The following PIK3R4 variants were observed in gnomAD, a reference collection of about 807,000 sequenced individuals.
PIK3R4 encodes the protein phosphoinositide-3-kinase regulatory subunit 4, also known as phosphoinositide 3-kinase regulatory subunit 4.
A neutral mutation model predicts 136.5 loss-of-function variants in PIK3R4; 46 were observed. The observed-to-expected ratio is 0.34, with a 90% CI of 0.27 to 0.43. The LOEUF (loss-of-function observed/expected upper bound fraction) is 0.43. Ranked by LOEUF, PIK3R4 falls within the 20% of genes least tolerant of loss-of-function variation. The pLI is 1.00. For synonymous variants in PIK3R4, 557 were observed against 566.7 expected, an observed-to-expected ratio of 0.98 and a Z score of 0.24; for missense variants, 1,331 against 1,649.5, an observed-to-expected ratio of 0.81 and a Z score of 3.35.
In PIK3R4 at chr3:130,690,664, A is replaced by G; in HGVS notation, c.3099-10T>C. ...GTATGTAAGAATAGATCTGAATGAA[A>G]GAAAAATAAAATTCATTTATGAACC... On this transcript the variant is annotated splice_polypyrimidine_tract_variant and intron_variant, in intron 13 of 19. Coordinates refer to ENST00000356763, the MANE Select transcript of PIK3R4 (RefSeq NM_014602.3). The G allele has an allele frequency of 1.9e-6, 3 of 1,563,394 alleles. No homozygotes were observed. The highest frequency in any genetic ancestry group is 2.6e-6 in the Non-Finnish European group (3 of 1,143,970).
At chr3:130,708,139 C>CA (rs2066615793) in intron 10 of PIK3R4, 152 bp downstream of exon 10, 1 of 623,724 alleles carries the variant, frequency 1.6e-6, no homozygotes, top group Non-Finnish European at 2.7e-6. Flanking sequence ...TTTTCTTCCC[C>CA]AAAATCTCCC....
chr3:130,681,577 T>C lies in PIK3R4; in HGVS notation c.3622A>G (p.Asn1208Asp). 6.2e-7 allele frequency: 1 copy of C among 1,608,660 alleles called. No homozygotes were observed. Among genetic ancestry groups the C allele is most frequent in the South Asian group, 1.1e-5 (1 of 90,968 alleles). Residue 1208 changes from asparagine (N) to aspartate (D), a missense_variant, in exon 17 of 20, where the codon AAC becomes GAC. Physicochemically the swap from Asn to Asp is conservative, Grantham distance 23. Around this residue, in one of 2 missense-constraint regions of PIK3R4, gnomAD observed 1,180 missense variants for 1,407.0 expected, o/e 0.84. Transcript: ENST00000356763. ...TCCATGTCCCACATGGACACTTCGT[T>C]GTTGCCCTGAACAGCTAAAGGAAAC... ...SWVIAAVQGN[N>D]EVSMWDMETG...
At chr3:130,697,195 G>A (rs6799986) in intron 13 of PIK3R4, among the ~76,000 whole-genome samples, 31,208 of 145,792 alleles carry the variant, frequency 0.21, 3,483 homozygotes, top group South Asian at 0.37. Flanking sequence ...TCAGCCTCCC[G>A]AGTAGCTGGG....
chr3:130,718,921 C>G (rs1273944963), intron 7 of PIK3R4, among the ~76,000 whole-genome samples: 4 of 152,112 alleles, frequency 2.6e-5, no homozygotes, highest in African/African-American at 7.2e-5. Flanking sequence ...CTTGTACCCC[C>G]ACAGAAGTTC....
At chr3:130,690,827 C>CT (rs2066513249) in intron 13 of PIK3R4, among the ~76,000 whole-genome samples, 173 bp from the exon 14 acceptor site, 1 of 151,792 alleles carries the variant, frequency 6.6e-6, no homozygotes, top group South Asian at 2.1e-4. Flanking sequence ...ATTGCCTTTT[C>CT]TTCCGATATT....
At chr3:130,711,869 A>G (rs895448852) in intron 9 of PIK3R4, among the ~76,000 whole-genome samples, 1 of 152,230 alleles carries the variant, frequency 6.6e-6, no homozygotes, top group African/African-American at 2.4e-5. Flanking sequence ...ACATTGCATT[A>G]TATATCTTCT....
Position 130,744,634 on chromosome 3 carries a change from G to A in PIK3R4, c.585C>T (p.Cys195=). 1 of 1,614,224 alleles carries A rather than the reference G, an allele frequency of 6.2e-7. No individual in the cohort carries two copies. Among genetic ancestry groups the A allele is most frequent in the Non-Finnish European group, 8.5e-7 (1 of 1,180,028 alleles). The stretch of plus-strand genomic sequence containing the variant: ...CAACAAAACGTTCAGGAGCAATATA[G>A]CAAGTTCTCCTCCGTGATGTGTCAA... ...YFFDTSRRRT[C]YIAPERFVDG... is the part of the protein sequence containing the mutation. The change falls in exon 2 of 20, where the codon TGC becomes TGT. Residue 195 remains cysteine (C), a synonymous_variant. Coordinates refer to ENST00000356763, the MANE Select transcript of PIK3R4 (RefSeq NM_014602.3).
chr3:130,724,655 T>C (rs4682639), intron 6 of PIK3R4, among the ~76,000 whole-genome samples: 30,104 of 152,008 alleles, frequency 0.2, 4,032 homozygotes, highest in Non-Finnish European at 0.3. Flanking sequence ...GGCACTAATC[T>C]TGTACTGCAA....
chr3:130,683,432 G>A (rs1013562753), intron 16 of PIK3R4, among the ~76,000 whole-genome samples: 16 of 152,260 alleles, frequency 1.1e-4, no homozygotes, highest in African/African-American at 3.4e-4. Flanking sequence ...GAGAAGGAAC[G>A]AGCAGATCAA....
intron 13 of PIK3R4, among the ~76,000 whole-genome samples, chr3:130,702,986 A>C (rs545001068): frequency 1.3e-5 from 2 of 151,964 alleles, no homozygotes; most frequent in African/African-American, 4.8e-5. Context: ...ATTTCCCACC[A>C]CCTCATACTG....
intron 2 of PIK3R4, among the ~76,000 whole-genome samples, chr3:130,737,392 G>C (rs1335495869): frequency 6.6e-6 from 1 of 152,174 alleles, no homozygotes; most frequent in Non-Finnish European, 1.5e-5. Context: ...TTGAACGGTG[G>C]CTCATGCCTG....
rs1356615057 is a variant in PIK3R4 at position 130,678,940 on chromosome 3, T to TTAAC, written c.*371_*374dup. ...AACTCTTAGGATGCATGAATACAGTTTAACTGCTTTGAATAGCATTTTTAA... is the reference window on the plus strand; with the variant it reads ...AACTCTTAGGATGCATGAATACAGTTTAACTAACTGCTTTGAATAGCATTTTTAA... On this transcript the variant is annotated 3_prime_UTR_variant, in exon 20 of 20. Coordinates refer to ENST00000356763, the MANE Select transcript of PIK3R4 (RefSeq NM_014602.3). 6.5e-6 allele frequency: 1 copy of TTAAC among 153,632 alleles called. No homozygotes were observed. Among genetic ancestry groups the TTAAC allele is most frequent in the Non-Finnish European group, 1.4e-5 (1 of 69,000 alleles). 9.5% of individuals were successfully genotyped at this position (153,632 alleles called of 1,614,324 possible).
intron 14 of PIK3R4, among the ~76,000 whole-genome samples, chr3:130,688,225 G>A (rs894242450): frequency 2.0e-5 from 3 of 152,068 alleles, no homozygotes; most frequent in African/African-American, 4.8e-5. Flanking sequence ...TTACTTATTT[G>A]TTCAACCTGA....
intron 7 of PIK3R4, among the ~76,000 whole-genome samples, chr3:130,719,951 T>C (rs574584650): frequency 5.3e-5 from 8 of 152,160 alleles, no homozygotes; most frequent in Non-Finnish European, 1.2e-4. Flanking sequence ...GGCCCCAGAA[T>C]GAGACAGATG....
At chr3:130,714,298 C>T (rs909896879) in intron 9 of PIK3R4, among the ~76,000 whole-genome samples, 1 of 152,096 alleles carries the variant, frequency 6.6e-6, no homozygotes, top group Non-Finnish European at 1.5e-5. Flanking sequence ...ATATATTCAG[C>T]GACTGTATTC....
chr3:130,713,376 T>C (rs574842322), intron 9 of PIK3R4, among the ~76,000 whole-genome samples: 46 of 152,288 alleles, frequency 3.0e-4, no homozygotes, highest in African/African-American at 1.1e-3. Context: ...GACCAATGAA[T>C]ATACGAAGCA....
At chr3:130,739,162 C>T (rs1364440701) in intron 2 of PIK3R4, among the ~76,000 whole-genome samples, 2 of 152,194 alleles carry the variant, frequency 1.3e-5, no homozygotes, top group South Asian at 2.1e-4. Context: ...CTGCAAGCTC[C>T]GCCTCCCTGG....
chr3:130,730,726 A>G (rs186549593), intron 4 of PIK3R4, among the ~76,000 whole-genome samples: 3 of 151,860 alleles, frequency 2.0e-5, no homozygotes, highest in Admixed American at 2.0e-4. Flanking sequence ...AAAAAGCCTA[A>G]TTCTCTGCAG....
chr3:130,717,567 T>C (rs993613264), intron 8 of PIK3R4, among the ~76,000 whole-genome samples: 2 of 151,654 alleles, frequency 1.3e-5, no homozygotes, highest in African/African-American at 4.8e-5. Flanking sequence ...CTCTATGAAA[T>C]AGAATGATAA....
Sources: gnomAD v4.1 joint callset for allele counts (sites outside exome capture counted in the v4.1 genomes callset) on GRCh38, gnomAD v4.1.1 for gene constraint, gnomAD v4.1.1 regional missense constraint, MANE v1.5 for transcripts, NCBI Gene and HGNC (gene_info 2026-07-23, HGNC 2026-07-21) for gene names.